Variants in PPP3CB observed in about 807,000 individuals in gnomAD.
PPP3CB encodes the protein protein phosphatase 3 catalytic subunit beta.
Under a neutral mutation model 66.4 loss-of-function variants are expected in PPP3CB, and 8 were observed. The observed-to-expected ratio is 0.12, with a 90% CI of 0.07 to 0.22. The LOEUF (loss-of-function observed/expected upper bound fraction) is 0.22, where lower values mean the gene tolerates loss of function less well. Ranked by LOEUF, PPP3CB falls within the 10% of genes least tolerant of loss-of-function variation. PPP3CB has a pLI of 1.00. For synonymous variants in PPP3CB, 208 were observed against 221.2 expected, an observed-to-expected ratio of 0.94 and a Z score of 0.53; for missense variants, 319 against 642.5, an observed-to-expected ratio of 0.50 and a Z score of 5.44.
chr10:73,452,327 G>A (rs2056359869), intron 10 of PPP3CB, among the ~76,000 whole-genome samples: 1 of 152,140 alleles, frequency 6.6e-6, no homozygotes, highest in African/African-American at 2.4e-5. Flanking sequence ...AGAGCCATTA[G>A]AAGGAACTAG....
At chr10:73,478,717 A>T (rs2056828820) in intron 2 of PPP3CB, 94 bp from the exon 3 acceptor site, 2 of 1,078,678 alleles carry the variant, frequency 1.9e-6, no homozygotes, top group South Asian at 3.1e-5. Flanking sequence ...ACATAGTACA[A>T]ATGCTATCAA....
chr10:73,493,981 G>A (rs752395992), intron 1 of PPP3CB, among the ~76,000 whole-genome samples: 12 of 152,154 alleles, frequency 7.9e-5, no homozygotes, highest in Non-Finnish European at 1.8e-4. Context: ...CGTAAGGATA[G>A]CATAAACTCA....
chr10:73,457,378 G>GT (rs2056446159), intron 9 of PPP3CB, among the ~76,000 whole-genome samples: 1 of 149,980 alleles, frequency 6.7e-6, no homozygotes, highest in Non-Finnish European at 1.5e-5. Context: ...TGAGATTGCA[G>GT]TGAGTTACGA....
At chr10:73,446,675 G>C in intron 10 of PPP3CB, 102 bp from the exon 11 acceptor site, 2 of 1,067,664 alleles carry the variant, frequency 1.9e-6, no homozygotes, top group Non-Finnish European at 2.9e-6. Flanking sequence ...CCAGTACCAA[G>C]ACCCCTGCCA....
chr10:73,489,818 C>T (rs2057043476), intron 1 of PPP3CB, among the ~76,000 whole-genome samples: 1 of 152,128 alleles, frequency 6.6e-6, no homozygotes, highest in Non-Finnish European at 1.5e-5. Context: ...ACATTTCATG[C>T]TTTTTTCAAA....
chr10:73,495,688 G>T lies in PPP3CB; in HGVS notation c.85+117C>A, dbSNP rs1031433048. The T allele has an allele frequency of 1.7e-4, 247 of 1,420,428 alleles. 1 individual carries two copies. Among genetic ancestry groups the T allele is most frequent in the Admixed American group, 4.6e-4 (20 of 43,160 alleles). The allele number at this position is 1,420,428 out of a possible 1,614,324, so 88.0% of individuals were successfully genotyped here. A position where few individuals can be genotyped will look rare whatever the true frequency, so the allele number is the denominator to read the frequency against. On this transcript the variant is annotated intron_variant, in intron 1 of 13. Transcript: ENST00000360663. ...CGCCCAGGGGCCACTCCCCAAGGGA[G>T]GCAGCCAGTCACTCGCCCGCCCTTC...
At chr10:73,461,279 T>C (rs2056516899) in intron 9 of PPP3CB, among the ~76,000 whole-genome samples, 1 of 152,164 alleles carries the variant, frequency 6.6e-6, no homozygotes, top group African/African-American at 2.4e-5. Flanking sequence ...AAACCCTGTC[T>C]CTACTAAAAA....
intron 9 of PPP3CB, among the ~76,000 whole-genome samples, chr10:73,461,815 T>A (rs2056525952): frequency 6.6e-6 from 1 of 152,220 alleles, no homozygotes; most frequent in Non-Finnish European, 1.5e-5. Context: ...CCTATAAATC[T>A]CATGTTGAAT....
intron 9 of PPP3CB, among the ~76,000 whole-genome samples, chr10:73,458,426 C>T (rs1027569688): frequency 8.6e-5 from 13 of 151,880 alleles, no homozygotes; most frequent in Middle Eastern, 6.8e-3. Context: ...TGTGAGCCAC[C>T]GCACCTGGCA....
intron 9 of PPP3CB, among the ~76,000 whole-genome samples, chr10:73,463,707 A>T (rs1464182199): frequency 6.6e-6 from 1 of 152,054 alleles, no homozygotes; most frequent in Non-Finnish European, 1.5e-5. Flanking sequence ...CAGTGGCTCG[A>T]TCTTGGCTCA....
chr10:73,479,673 A>G (rs1341987416), intron 1 of PPP3CB, among the ~76,000 whole-genome samples, 156 bp from the exon 2 acceptor site: 1 of 152,212 alleles, frequency 6.6e-6, no homozygotes. Flanking sequence ...TAGTAAGCAA[A>G]TTATACCACT....
intron 11 of PPP3CB, among the ~76,000 whole-genome samples, chr10:73,445,683 T>C (rs113095918): frequency 0.046 from 6,984 of 151,978 alleles, 471 homozygotes; most frequent in African/African-American, 0.15. Context: ...TCCGCCCGCT[T>C]TGGCCTCCCA....
At chr10:73,475,944 C>CTG (rs2056777794) in intron 3 of PPP3CB, among the ~76,000 whole-genome samples, 1 of 152,184 alleles carries the variant, frequency 6.6e-6, no homozygotes, top group Non-Finnish European at 1.5e-5. Context: ...GCAGCCTCGA[C>CTG]CTTCTGGGCT....
rs56863071 is a variant in PPP3CB at position 73,483,778 on chromosome 10, G to T, written c.86-4261C>A. Among the ~76,000 whole-genome samples, 1,148 of 152,308 alleles carry T rather than the reference G, an allele frequency of 7.5e-3. 14 individuals carry two copies. Among genetic ancestry groups the T allele is most frequent in the African/African-American group, 0.026 (1,084 of 41,558 alleles). On this transcript the variant is annotated intron_variant, in intron 1 of 13. Transcript: ENST00000360663. ...CAGCAGGAGACCTGACGGGGCAAAA[G>T]ATAACTGTCCAAATAGAATTTGGCC... is the stretch of plus-strand genomic sequence containing the variant.
At chr10:73,482,206 T>C (rs1692581724) in intron 1 of PPP3CB, among the ~76,000 whole-genome samples, 1 of 152,056 alleles carries the variant, frequency 6.6e-6, no homozygotes, top group African/African-American at 2.4e-5. Flanking sequence ...CAGAGAATTT[T>C]TTTTTTTTTT....
intron 4 of PPP3CB, among the ~76,000 whole-genome samples, chr10:73,474,201 C>T (rs928852682): frequency 3.3e-5 from 5 of 149,606 alleles, no homozygotes; most frequent in Non-Finnish European, 7.4e-5. Context: ...TGTCACCACG[C>T]CTGGCTAATT....
intron 9 of PPP3CB, among the ~76,000 whole-genome samples, chr10:73,458,307 T>C (rs2056462901): frequency 6.6e-6 from 1 of 152,014 alleles, no homozygotes; most frequent in Non-Finnish European, 1.5e-5. Flanking sequence ...CAGCTAATTT[T>C]TGTATTTTTA....
chr10:73,462,201 T>C (rs1435297563), intron 9 of PPP3CB, among the ~76,000 whole-genome samples: 1 of 139,310 alleles, frequency 7.2e-6, no homozygotes, highest in African/African-American at 2.7e-5. Context: ...CAGGTTGGAG[T>C]GCAGTAGAGT....
chr10:73,448,857 G>C (rs2056302401), intron 10 of PPP3CB, among the ~76,000 whole-genome samples: 1 of 152,128 alleles, frequency 6.6e-6, no homozygotes, highest in African/African-American at 2.4e-5. Context: ...TAGTACTGTA[G>C]AATCTGGTGA....
Sources: allele counts gnomAD v4.1 joint callset (sites outside exome capture counted in the v4.1 genomes callset), GRCh38; gene constraint gnomAD v4.1.1; transcripts MANE v1.5; gene names NCBI Gene and HGNC (gene_info 2026-07-23, HGNC 2026-07-21).